The following C22orf23 variants were observed in gnomAD, a reference collection of about 807,000 sequenced individuals.
C22orf23 encodes chromosome 22 open reading frame 23.
C22orf23 carries 30 observed loss-of-function variants against 29.7 expected under a neutral mutation model. The ratio of observed to expected loss-of-function variants is 1.01; its 90% CI spans 0.76 to 1.37. C22orf23 has a LOEUF of 1.37. C22orf23 is among the 40% of genes most tolerant of loss of function. The pLI is 0.00. For missense variants in C22orf23, 237 were observed against 273.1 expected (o/e 0.87, Z 0.93); for synonymous variants, 90 against 96.1 (o/e 0.94, Z 0.37).
chr22:37,952,638 G>A (rs1470451506), intron 2 of C22orf23: 1 of 151,738 alleles, frequency 6.6e-6, no homozygotes, highest in Admixed American at 6.8e-5. Context: ...TAAGCCACAG[G>A]TCAGGTACGG....
At position 37,943,980 on chromosome 22, in the gene C22orf23, CA is replaced by C. The variant is rs1930539621; in HGVS notation, c.*194del. 3 of 622,876 alleles carry C rather than the reference CA, an allele frequency of 4.8e-6. No individual in the cohort carries two copies. The highest frequency in any genetic ancestry group is 2.6e-5 in the Admixed American group (1 of 38,424). 38.6% of individuals were successfully genotyped at this position (622,876 alleles called of 1,614,324 possible). ...TCTCTGCGGACGGGGCTGTGAGTCT[CA>C]GAGGCTCCATCTGCATTCCGGGGCA... On this transcript the variant is annotated 3_prime_UTR_variant, in exon 7 of 7. Transcript: ENST00000403305.
chr22:37,951,827 T>TTTTTTTTTTTTTTTTTTTG (rs1931050500), intron 2 of C22orf23: 1 of 141,814 alleles, frequency 7.1e-6, no homozygotes, highest in Non-Finnish European at 1.4e-5. Flanking sequence ...TTTTTTTTTT[T>TTTTTTTTTTTTTTTTTTTG]TTTTTGAGAT....
rs1930540759 is a variant in C22orf23 at position 37,943,999 on chromosome 22, C to T, written c.*176G>A. 1 of 642,122 alleles carries T rather than the reference C, an allele frequency of 1.6e-6. No individual in the cohort carries two copies. The highest frequency in any genetic ancestry group is 2.8e-6 in the Non-Finnish European group (1 of 359,298). 39.8% of individuals were successfully genotyped at this position (642,122 alleles called of 1,614,324 possible). A position where few individuals can be genotyped will look rare whatever the true frequency, so the allele number is the denominator to read the frequency against. On this transcript the variant is annotated 3_prime_UTR_variant, in exon 7 of 7. Coordinates refer to ENST00000403305, the MANE Select transcript of C22orf23 (RefSeq NM_032561.5). ...GAGTCTCAGAGGCTCCATCTGCATT[C>T]CGGGGCAGGGGCTAGGCTGCTGAGT... is the stretch of plus-strand genomic sequence containing the variant.
In C22orf23 at chr22:37,945,192, A is replaced by C. The variant is rs1315479907; in HGVS notation, c.350-19T>G. ...AAATCCCCTGTAGGGCCAAAAAGAA[A>C]TGGCCTAGTTAGGCTGTAAAGGGTG... On this transcript the variant is annotated intron_variant, in intron 4 of 6. Transcript: ENST00000403305. 5.6e-6 allele frequency: 9 copies of C among 1,607,002 alleles called. No homozygotes were observed. Among genetic ancestry groups the C allele is most frequent in the African/African-American group, 1.3e-5 (1 of 74,134 alleles).
At chr22:37,949,461 T>G (rs1034313482) in intron 3 of C22orf23, among the ~76,000 whole-genome samples, 2 of 144,244 alleles carry the variant, frequency 1.4e-5, no homozygotes, top group African/African-American at 5.2e-5. Flanking sequence ...TTTTTTTTTT[T>G]TTTTTTTTTT....
intron 5 of C22orf23, 34 bp from the exon 6 acceptor site, chr22:37,944,551 A>C (rs1356385212): frequency 6.4e-7 from 1 of 1,574,778 alleles, no homozygotes; most frequent in African/African-American, 1.3e-5. Context: ...GGTTCCCATG[A>C]GGGATGCAGG....
rs1930567182 is a variant in C22orf23, at chr22:37,944,398, T to C, written c.582+19A>G. 3.7e-6 allele frequency: 6 copies of C among 1,613,864 alleles called. No individual in the cohort carries two copies. The highest frequency in any genetic ancestry group is 2.7e-5 in the African/African-American group (2 of 74,936). On this transcript the variant is annotated intron_variant, in intron 6 of 6. Coordinates refer to ENST00000403305, the MANE Select transcript of C22orf23 (RefSeq NM_032561.5). ...CGCTGGGCCCTTCCCCTCCCCACTT[T>C]CCTGGTTGTTTCTCCTACCTGGGAG...
intron 4 of C22orf23, among the ~76,000 whole-genome samples, chr22:37,945,582 G>A (rs536265554): frequency 7.8e-4 from 116 of 148,718 alleles, no homozygotes; most frequent in Non-Finnish European, 1.5e-3. Flanking sequence ...GCAACCTCTC[G>A]GGCTCAAGTC....
chr22:37,949,928 C>T (rs1290883717), intron 3 of C22orf23, among the ~76,000 whole-genome samples: 1 of 151,770 alleles, frequency 6.6e-6, no homozygotes, highest in Non-Finnish European at 1.5e-5. Context: ...GCCTTGAACT[C>T]CTGGGCTCAT....
At chr22:37,948,601 A>G (rs1398128751) in intron 3 of C22orf23, among the ~76,000 whole-genome samples, 1 of 152,202 alleles carries the variant, frequency 6.6e-6, no homozygotes, top group Non-Finnish European at 1.5e-5. Context: ...AGCCTGGGCA[A>G]CAGAGTGAGA....
At chr22:37,945,281 C>T in intron 4 of C22orf23, 108 bp from the exon 5 acceptor site, 1 of 1,381,550 alleles carries the variant, frequency 7.2e-7, no homozygotes, top group Non-Finnish European at 9.9e-7. Context: ...GTCATGCAGA[C>T]AGGGCTTCCG....
chr22:37,951,409 G>T (rs934583107), intron 3 of C22orf23, 51 bp downstream of exon 3: 8 of 1,497,612 alleles, frequency 5.3e-6, no homozygotes, highest in Non-Finnish European at 7.4e-6. Context: ...AGCATTAAAA[G>T]TGTGGCCCCA....
Position 37,946,956 on chromosome 22 carries a change from G to T in C22orf23, c.349+325C>A, listed in dbSNP as rs117319198. Among the ~76,000 whole-genome samples, 798 of 151,794 alleles carry T rather than the reference G, an allele frequency of 5.3e-3. 7 individuals are homozygous for T. The highest frequency in any genetic ancestry group is 8.7e-3 in the Non-Finnish European group (592 of 67,964). On this transcript the variant is annotated intron_variant, in intron 4 of 6. Coordinates refer to ENST00000403305, the MANE Select transcript of C22orf23 (RefSeq NM_032561.5). ...CTCAGGAACCTGGGGCCTCGGCGAT[G>T]CCTGTAGTGGCAACTTATGTATAGG...
Position 37,943,896 on chromosome 22 carries a change from A to T in C22orf23, c.*279T>A, listed in dbSNP as rs145861136. On this transcript the variant is annotated 3_prime_UTR_variant, in exon 7 of 7. Transcript: ENST00000403305. ...CAGGCCACAGGTCAGAAGTGGTGGG[A>T]AGCAGGCCCAGTGGATACCTTTAGA... The T allele has an allele frequency of 1.4e-3, 733 of 510,324 alleles. 16 individuals are homozygous for T. The East Asian group carries it at 0.023, about 16-fold the overall frequency. 31.6% of individuals were successfully genotyped at this position (510,324 alleles called of 1,614,324 possible). A position where few individuals can be genotyped will look rare whatever the true frequency, so the allele number is the denominator to read the frequency against.
At chr22:37,948,709 T>C (rs976022998) in intron 3 of C22orf23, among the ~76,000 whole-genome samples, 5 of 152,188 alleles carry the variant, frequency 3.3e-5, no homozygotes, top group Admixed American at 3.3e-4. Flanking sequence ...CCCTCTATAA[T>C]GAATGAGTGA....
rs568737247 is a variant in C22orf23 at position 37,945,672 on chromosome 22, T to C, written c.350-499A>G. ...CCCAGCTAATTTTTGTATTTTTTTTTTTTTAGTAGAGATGGAGTTTTGCCA... is the reference window on the plus strand; with the variant it reads ...CCCAGCTAATTTTTGTATTTTTTTTCTTTTAGTAGAGATGGAGTTTTGCCA... On this transcript the variant is annotated intron_variant, in intron 4 of 6. Coordinates refer to ENST00000403305, the MANE Select transcript of C22orf23 (RefSeq NM_032561.5). Among the ~76,000 whole-genome samples, 394 of 150,710 alleles carry C rather than the reference T, an allele frequency of 2.6e-3. 4 individuals carry two copies. The highest frequency in any genetic ancestry group is 9.1e-3 in the African/African-American group (376 of 41,278).
Position 37,949,608 on chromosome 22 carries a change from G to T in C22orf23, c.166+1852C>A, listed in dbSNP as rs189764121. 1.5e-3 allele frequency among the ~76,000 whole-genome samples: 229 copies of T among 151,382 alleles called. 2 individuals carry two copies. Among genetic ancestry groups the T allele is most frequent in the Non-Finnish European group, 3.1e-4 (21 of 67,814 alleles). On this transcript the variant is annotated intron_variant, in intron 3 of 6. Transcript: ENST00000403305. ...CAAGTAGCTGGGACTACAGGCCCGG[G>T]TCACCACACCTGGCTAATTTTTGTA...
intron 2 of C22orf23, chr22:37,951,837 T>A (rs1931053518): frequency 7.3e-6 from 1 of 136,172 alleles, no homozygotes; most frequent in South Asian, 2.3e-4. Flanking sequence ...TTTTTTGAGA[T>A]GGAGCTTCCA....
intron 4 of C22orf23, 59 bp from the exon 5 acceptor site, chr22:37,945,232 C>T (rs1400668148): frequency 1.9e-6 from 3 of 1,570,836 alleles, no homozygotes; most frequent in African/African-American, 2.8e-5. Flanking sequence ...TATTCATGGT[C>T]TGTGTTCCCA....
Sources: gnomAD v4.1 joint callset for allele counts (sites outside exome capture counted in the v4.1 genomes callset) on GRCh38, gnomAD v4.1.1 for gene constraint, MANE v1.5 for transcripts, NCBI Gene and HGNC (gene_info 2026-07-23, HGNC 2026-07-21) for gene names.